The following LASP1 variants were observed in gnomAD, a reference collection of about 807,000 sequenced individuals.
LASP1 encodes LIM and SH3 domain protein 1.
In LASP1, 10 loss-of-function variants were observed where a neutral mutation model predicts 38.6. The observed-to-expected ratio is 0.26, with a 90% CI of 0.16 to 0.44. The LOEUF (loss-of-function observed/expected upper bound fraction) is 0.44. Ranked by LOEUF, LASP1 falls within the 20% of genes least tolerant of loss-of-function variation. LASP1 has a pLI of 1.00. For missense variants in LASP1, 243 were observed against 375.7 expected (o/e 0.65, Z 2.92); for synonymous variants, 132 against 140.8 (o/e 0.94, Z 0.44).
rs1352004069 is a variant in LASP1 at position 38,918,140 on chromosome 17, A to C, written c.613-465A>C. Among the ~76,000 whole-genome samples, 2 of 134,082 alleles carry C rather than the reference A, an allele frequency of 1.5e-5. No individual in the cohort carries two copies. Among genetic ancestry groups the C allele is most frequent in the African/African-American group, 2.7e-5 (1 of 36,452 alleles). 88.0% of individuals were successfully genotyped at this position (134,082 alleles called of 152,430 possible). On this transcript the variant is annotated intron_variant, in intron 6 of 6. Transcript: ENST00000318008. This position sits in a 1 kb window ranked among gnomAD's most constrained non-coding sequence, Gnocchi z 4.4. Reference sequence around the variant, plus strand: ...GGGTGACAAAGCAAGACTCCATCTCAAAAAAAAAAAAAAAAAGAGGGAGTT... The same window carrying C: ...GGGTGACAAAGCAAGACTCCATCTCCAAAAAAAAAAAAAAAAGAGGGAGTT...
intron 4 of LASP1, among the ~76,000 whole-genome samples, chr17:38,912,766 G>C (rs559028845): frequency 6.6e-6 from 1 of 152,298 alleles, no homozygotes; most frequent in African/African-American, 2.4e-5. Context: ...CCCACCATGG[G>C]ACTCAGCCTG....
chr17:38,898,889 C>A, intron 4 of LASP1: 1 of 392,174 alleles, frequency 2.5e-6, no homozygotes, highest in South Asian at 1.8e-5. Flanking sequence ...CTGGCCTCCC[C>A]TGGTCTGCGC....
chr17:38,902,343 G>A (rs755973457), intron 4 of LASP1, among the ~76,000 whole-genome samples: 5 of 149,372 alleles, frequency 3.3e-5, no homozygotes, highest in Non-Finnish European at 7.4e-5. Context: ...TTATAGGGGT[G>A]AGCCACCTCA....
At chr17:38,904,616 A>T (rs910220867) in intron 4 of LASP1, 1 of 152,262 alleles carries the variant, frequency 6.6e-6, no homozygotes, top group Non-Finnish European at 1.5e-5. Flanking sequence ...AAAAAAGGAA[A>T]AAAGAGAGTA....
intron 3 of LASP1, among the ~76,000 whole-genome samples, chr17:38,890,748 TG>T (rs1450029437): frequency 6.6e-6 from 1 of 152,116 alleles, no homozygotes; most frequent in Non-Finnish European, 1.5e-5. Flanking sequence ...GAGCCCGCTC[TG>T]GGGCTCCCTA....
chr17:38,884,457 G>A (rs529652516), intron 2 of LASP1, among the ~76,000 whole-genome samples: 10 of 150,188 alleles, frequency 6.7e-5, no homozygotes, highest in Admixed American at 3.3e-4. Context: ...GCGCAATCTT[G>A]GCTCACTGCA....
chr17:38,883,191 A>G (rs996387006), intron 2 of LASP1, among the ~76,000 whole-genome samples: 1 of 152,016 alleles, frequency 6.6e-6, no homozygotes, highest in African/African-American at 2.4e-5. Context: ...TGAGGCCAGG[A>G]GTTCAAGACC....
chr17:38,901,398 AC>A (rs1914637960), intron 4 of LASP1, among the ~76,000 whole-genome samples: 1 of 152,276 alleles, frequency 6.6e-6, no homozygotes, highest in African/African-American at 2.4e-5. Flanking sequence ...GAAGGGATCG[AC>A]CCCGACCTGC....
chr17:38,888,697 G>C (rs971523149), intron 2 of LASP1, among the ~76,000 whole-genome samples: 1 of 152,254 alleles, frequency 6.6e-6, no homozygotes, highest in African/African-American at 2.4e-5. Flanking sequence ...GTAGTGGAGA[G>C]AGAAGACAAT....
chr17:38,878,851 C>T (rs1277482544), intron 2 of LASP1, among the ~76,000 whole-genome samples: 2 of 152,106 alleles, frequency 1.3e-5, no homozygotes, highest in African/African-American at 4.8e-5. Context: ...GTATAGTCAT[C>T]TTGAGTATAG....
At chr17:38,894,322 A>G (rs2029345) in intron 3 of LASP1, among the ~76,000 whole-genome samples, 89,583 of 152,022 alleles carry the variant, frequency 0.59, 27,295 homozygotes, top group Non-Finnish European at 0.67. Flanking sequence ...TGATGGGGTC[A>G]TGGGAAATTA....
At chr17:38,890,630 A>G (rs1292754108) in intron 3 of LASP1, 126 bp downstream of exon 3, 9 of 823,128 alleles carry the variant, frequency 1.1e-5, no homozygotes, top group African/African-American at 1.7e-5. Flanking sequence ...CTGAAATCCT[A>G]GCATTGCCTT....
At chr17:38,885,342 G>T (rs977410497) in intron 2 of LASP1, among the ~76,000 whole-genome samples, 1 of 152,212 alleles carries the variant, frequency 6.6e-6, no homozygotes, top group African/African-American at 2.4e-5. Context: ...ACAGGACTCA[G>T]TGTGCCAAGA....
chr17:38,917,115 G>A (rs1915154886), intron 6 of LASP1, among the ~76,000 whole-genome samples: 1 of 152,172 alleles, frequency 6.6e-6, no homozygotes, highest in African/African-American at 2.4e-5. Flanking sequence ...GTTTTTGGAA[G>A]ACCACCCTGG....
chr17:38,890,744 G>A (rs569456696), intron 3 of LASP1, among the ~76,000 whole-genome samples: 1 of 152,034 alleles, frequency 6.6e-6, no homozygotes, highest in South Asian at 2.1e-4. Context: ...ATTTGAGCCC[G>A]CTCTGGGGCT....
At chr17:38,896,121 G>A (rs1003556342) in intron 3 of LASP1, among the ~76,000 whole-genome samples, 8 of 74,898 alleles carry the variant, frequency 1.1e-4, no homozygotes, top group Admixed American at 3.8e-4. Flanking sequence ...CAAGAAGGGA[G>A]CCCTGAAGAG....
At chr17:38,878,508 A>C (rs1416258437) in intron 2 of LASP1, among the ~76,000 whole-genome samples, 1 of 152,106 alleles carries the variant, frequency 6.6e-6, no homozygotes, top group African/African-American at 2.4e-5. Flanking sequence ...GTTTCTTTCC[A>C]CTGTCCCCTG....
intron 3 of LASP1, among the ~76,000 whole-genome samples, chr17:38,897,693 C>T (rs895726268): frequency 7.9e-5 from 12 of 152,196 alleles, no homozygotes; most frequent in Admixed American, 2.6e-4. Context: ...GTCTGACCCC[C>T]GCTGCTTTCC....
chr17:38,912,176 C>T (rs1041858547), intron 4 of LASP1, among the ~76,000 whole-genome samples: 4 of 152,356 alleles, frequency 2.6e-5, no homozygotes, highest in Non-Finnish European at 5.9e-5. Context: ...CTGATATATG[C>T]GTGCCTGGGA....
Sources: allele counts gnomAD v4.1 joint callset (sites outside exome capture counted in the v4.1 genomes callset), GRCh38; gene constraint gnomAD v4.1.1; non-coding constraint Gnocchi (gnomAD v3.1); transcripts MANE v1.5; gene names NCBI Gene and HGNC (gene_info 2026-07-23, HGNC 2026-07-21).